The following DHTKD1 variants were observed in gnomAD, a reference collection of about 807,000 sequenced individuals.
DHTKD1 encodes 2-oxoadipate dehydrogenase complex component E1.
DHTKD1 carries 78 observed loss-of-function variants against 101.8 expected under a neutral mutation model. The ratio of observed to expected loss-of-function variants is 0.77; its 90% confidence interval spans 0.64 to 0.93. The LOEUF is 0.93. Among genes scored for constraint, DHTKD1 ranks in the 40% least tolerant of loss-of-function variants. DHTKD1 has a pLI of 0.00. For missense variants in DHTKD1, 1,223 were observed against 1,161.7 expected (o/e 1.05, Z -0.77); for synonymous variants, 462 against 450.3 (o/e 1.03, Z -0.33).
chr10:12,105,740 C>T (rs568769325), intron 10 of DHTKD1, among the ~76,000 whole-genome samples: 117 of 152,268 alleles, frequency 7.7e-4, no homozygotes, highest in Non-Finnish European at 1.6e-3. Flanking sequence ...CTTTTCCTCT[C>T]TTTGTCCCAA....
chr10:12,114,151 GT>G (rs1209130711), intron 13 of DHTKD1, among the ~76,000 whole-genome samples: 1 of 151,130 alleles, frequency 6.6e-6, no homozygotes, highest in African/African-American at 2.4e-5. Context: ...CTATTTATCT[GT>G]TAAGTGTACA....
intron 2 of DHTKD1, among the ~76,000 whole-genome samples, chr10:12,082,338 A>G (rs1489579982): frequency 6.6e-6 from 1 of 152,102 alleles, no homozygotes; most frequent in African/African-American, 2.4e-5. Flanking sequence ...TACCCGCCTC[A>G]TTCTGTTTTC....
intron 6 of DHTKD1, 113 bp from the exon 7 acceptor site, chr10:12,093,960 A>G: frequency 2.2e-6 from 2 of 928,978 alleles, no homozygotes; most frequent in South Asian, 1.6e-5. Context: ...TAACCAAACC[A>G]ATATCTACCT....
At position 12,095,589 on chromosome 10, in the gene DHTKD1, G is replaced by A. The variant is rs867138913; in HGVS notation, c.1358+1318G>A. Among the ~76,000 whole-genome samples, 19 of 151,522 alleles carry A rather than the reference G, an allele frequency of 1.3e-4. No homozygotes were observed. The East Asian group carries it at 2.5e-3, about 20-fold the overall frequency. On this transcript the variant is annotated intron_variant, in intron 7 of 16. Coordinates refer to ENST00000263035, the MANE Select transcript of DHTKD1 (RefSeq NM_018706.7). ...AGCACTTTGGGAGGCCGAGGCGGGCGGATCACGAGGTCAGGAGATCGAGAC... is the reference window on the plus strand; with the variant it reads ...AGCACTTTGGGAGGCCGAGGCGGGCAGATCACGAGGTCAGGAGATCGAGAC...
intron 8 of DHTKD1, among the ~76,000 whole-genome samples, 190 bp from the exon 9 acceptor site, chr10:12,099,988 G>T (rs1216471371): frequency 1.3e-5 from 2 of 151,838 alleles, no homozygotes; most frequent in Admixed American, 6.6e-5. Flanking sequence ...TAGAGATGGA[G>T]TTTCACCATG....
Position 12,093,925 on chromosome 10 carries a change from A to G in DHTKD1, c.1160-148A>G, listed in dbSNP as rs1833029536. 4.4e-6 allele frequency: 3 copies of G among 684,582 alleles called. No homozygotes were observed. In the African/African-American group the frequency reaches 5.3e-5, roughly 12 times the overall value. 42.4% of individuals were successfully genotyped at this position (684,582 alleles called of 1,614,324 possible). A position where few individuals can be genotyped will look rare whatever the true frequency, so the allele number is the denominator to read the frequency against. ...ATAAGTCCCAGAGTTGGAACTTGCCAGCTGGTCTCCAAAGCTGGGGTTGTT... is the reference window on the plus strand; with the variant it reads ...ATAAGTCCCAGAGTTGGAACTTGCCGGCTGGTCTCCAAAGCTGGGGTTGTT... On this transcript the variant is annotated intron_variant, in intron 6 of 16. Coordinates refer to ENST00000263035, the MANE Select transcript of DHTKD1 (RefSeq NM_018706.7).
chr10:12,106,192 AG>A, intron 10 of DHTKD1, 53 bp from the exon 11 acceptor site: 1 of 1,599,532 alleles, frequency 6.3e-7, no homozygotes, highest in Non-Finnish European at 8.6e-7. Context: ...GCAGGAGCCC[AG>A]TGCTCTGCCG....
intron 7 of DHTKD1, 32 bp downstream of exon 7, chr10:12,094,303 C>T: frequency 6.3e-7 from 1 of 1,578,568 alleles, no homozygotes; most frequent in Non-Finnish European, 8.7e-7. Context: ...TGATATGCCC[C>T]CTAAAAATTA....
intron 1 of DHTKD1, 58 bp downstream of exon 1, chr10:12,069,245 G>T: frequency 1.4e-6 from 2 of 1,385,250 alleles, no homozygotes; most frequent in South Asian, 2.7e-5. Flanking sequence ...GCCTCCCCTG[G>T]CCGATTTGCG....
At chr10:12,077,983 G>A (rs1832759867) in intron 1 of DHTKD1, among the ~76,000 whole-genome samples, 1 of 152,082 alleles carries the variant, frequency 6.6e-6, no homozygotes, top group Non-Finnish European at 1.5e-5. Flanking sequence ...TGGAGGACGT[G>A]CCTGACATGA....
intron 1 of DHTKD1, among the ~76,000 whole-genome samples, chr10:12,074,565 A>C (rs778886214): frequency 6.6e-6 from 1 of 151,168 alleles, no homozygotes; most frequent in Non-Finnish European, 1.5e-5. Flanking sequence ...TCACCGTGTT[A>C]GCCAGGATGG....
intron 1 of DHTKD1, among the ~76,000 whole-genome samples, chr10:12,073,777 G>A (rs1832684699): frequency 6.6e-6 from 1 of 152,190 alleles, no homozygotes; most frequent in Non-Finnish European, 1.5e-5. Context: ...GGCATGGGAG[G>A]GTGCAAAGTG....
chr10:12,078,563 A>G (rs1198274686), intron 1 of DHTKD1, among the ~76,000 whole-genome samples: 2 of 152,120 alleles, frequency 1.3e-5, no homozygotes, highest in African/African-American at 4.8e-5. Flanking sequence ...GTGAGCTGAG[A>G]TTGTGTCACT....
Position 12,120,259 on chromosome 10 carries a change from G to A in DHTKD1, c.2650G>A (p.Ala884Thr), listed in dbSNP as rs749888809. The A allele has an allele frequency of 6.2e-7, 1 of 1,613,770 alleles. No individual in the cohort carries two copies. The highest frequency in any genetic ancestry group is 8.5e-7 in the Non-Finnish European group (1 of 1,179,762). ...FVSPRFEKQL[A>T]CKLRLVGRPP... ...TTCTCCAAGGTTTGAAAAGCAGCTG[G>A]CCTGCAAGGTAATCACACGTTTTCT... Residue 884 changes from alanine (A) to threonine (T), a missense_variant, in exon 16 of 17, where the codon GCC becomes ACC. Physicochemically the swap from Ala to Thr is moderately conservative, Grantham distance 58 (BLOSUM62 0). Coordinates refer to ENST00000263035, the MANE Select transcript of DHTKD1 (RefSeq NM_018706.7).
At chr10:12,077,031 G>C (rs1832743669) in intron 1 of DHTKD1, among the ~76,000 whole-genome samples, 2 of 146,962 alleles carry the variant, frequency 1.4e-5, no homozygotes, top group African/African-American at 5.0e-5. Context: ...TTTCTACATA[G>C]GATTATCACT....
Position 12,069,222 on chromosome 10 carries a change from C to T in DHTKD1, c.154+35C>T, listed in dbSNP as rs528005384. 22 of 1,375,952 alleles carry T rather than the reference C, an allele frequency of 1.6e-5. No homozygotes were observed. In the African/African-American group the frequency reaches 1.7e-4, roughly 10 times the overall value. 85.2% of individuals were successfully genotyped at this position (1,375,952 alleles called of 1,614,324 possible). ...GGGGCCCGGGCGGTGGGAGCGGGGG[C>T]TGGGACGCAGAAGCCTCCCCTGGCC... On this transcript the variant is annotated intron_variant, in intron 1 of 16. Coordinates refer to ENST00000263035, the MANE Select transcript of DHTKD1 (RefSeq NM_018706.7).
chr10:12,085,830 C>T lies in DHTKD1; in HGVS notation c.522+1079C>T, dbSNP rs142952824. Among the ~76,000 whole-genome samples, 566 of 151,878 alleles carry T rather than the reference C, an allele frequency of 3.7e-3. 4 individuals carry two copies. Among genetic ancestry groups the T allele is most frequent in the African/African-American group, 0.013 (531 of 41,388 alleles). The stretch of plus-strand genomic sequence containing the variant: ...TGAACCCAGGAGGCGGAGGTTGCAG[C>T]GAGCCGAGATCACACCACTGCAGTG... On this transcript the variant is annotated intron_variant, in intron 3 of 16. Coordinates refer to ENST00000263035, the MANE Select transcript of DHTKD1 (RefSeq NM_018706.7).
chr10:12,082,410 C>T (rs1832833106), intron 2 of DHTKD1, among the ~76,000 whole-genome samples: 1 of 152,194 alleles, frequency 6.6e-6, no homozygotes, highest in South Asian at 2.1e-4. Flanking sequence ...TTTCAGGGTC[C>T]TACCTCATGT....
At chr10:12,089,346 C>A in intron 5 of DHTKD1, 91 bp downstream of exon 5, 1 of 1,203,370 alleles carries the variant, frequency 8.3e-7, no homozygotes, top group Non-Finnish European at 1.2e-6. Context: ...GGCAGACATT[C>A]ATGATGAAAC....
Sources: allele counts gnomAD v4.1 joint callset (sites outside exome capture counted in the v4.1 genomes callset), GRCh38; gene constraint gnomAD v4.1.1; transcripts MANE v1.5; gene names NCBI Gene and HGNC (gene_info 2026-07-23, HGNC 2026-07-21).